Variants in DENND3 observed in about 807,000 individuals in gnomAD.
DENND3 encodes the protein DENN domain containing 3.
In DENND3, 88 loss-of-function variants were observed where a neutral mutation model predicts 135.1. The ratio of observed to expected loss-of-function variants is 0.65; its 90% CI spans 0.55 to 0.78. The LOEUF (loss-of-function observed/expected upper bound fraction) is 0.78. Ranked by LOEUF, DENND3 falls within the 30% of genes least tolerant of loss-of-function variation. The pLI is 0.00. For synonymous variants in DENND3, 693 were observed against 712.3 expected, an observed-to-expected ratio of 0.97 and a Z score of 0.43; for missense variants, 1,392 against 1,688.4, an observed-to-expected ratio of 0.82 and a Z score of 3.08.
chr8:141,140,886 T>C (rs1817366107), intron 3 of DENND3, among the ~76,000 whole-genome samples: 1 of 152,232 alleles, frequency 6.6e-6, no homozygotes, highest in South Asian at 2.1e-4. Flanking sequence ...TTTCTCCCCT[T>C]GTAAAGCAGA....
rs1273900300 is a variant in DENND3 at position 141,168,627 on chromosome 8, C to T, written c.2275+102C>T. On this transcript the variant is annotated intron_variant, in intron 13 of 22. Transcript: ENST00000519811. The surrounding 1 kb of genome is among the most constrained non-coding windows in gnomAD (Gnocchi z 6.2). ...GACTGGCAATCACAGCTCACTGCAA[C>T]CTCCACCTCCTGGGCTCAAGCAGTC... is the stretch of plus-strand genomic sequence containing the variant. The T allele has an allele frequency of 4.8e-5, 67 of 1,396,532 alleles. No individual in the cohort carries two copies. The highest frequency in any genetic ancestry group is 6.3e-5 in the Non-Finnish European group (66 of 1,044,406). 86.5% of individuals were successfully genotyped at this position (1,396,532 alleles called of 1,614,324 possible).
At chr8:141,185,570 A>C in intron 18 of DENND3, 2 of 269,468 alleles carry the variant, frequency 7.4e-6, no homozygotes, top group Admixed American at 4.6e-5. Flanking sequence ...CACACCTCTA[A>C]TCTCAGCACT....
At chr8:141,157,759 C>CTTTTTTTTTTTTTTTTTTTTT (rs374868733) in intron 8 of DENND3, 1 of 648,528 alleles carries the variant, frequency 1.5e-6, no homozygotes, top group African/African-American at 2.1e-5. Context: ...AAAACTACCT[C>CTTTTTTTTTTTTTTTTTTTTT]TTTTTTTTTT....
At chr8:141,160,238 G>T (rs1819968792) in intron 8 of DENND3, among the ~76,000 whole-genome samples, 1 of 150,668 alleles carries the variant, frequency 6.6e-6, no homozygotes, top group African/African-American at 2.5e-5. Flanking sequence ...GAGTGCAGCG[G>T]CACTATCTCG....
chr8:141,175,058 T>C lies in DENND3; in HGVS notation c.2276-142T>C. 1.0e-6 allele frequency: 1 copy of C among 963,458 alleles called. No homozygotes were observed. Among genetic ancestry groups the C allele is most frequent in the Non-Finnish European group, 1.5e-6 (1 of 645,930 alleles). 59.7% of individuals were successfully genotyped at this position (963,458 alleles called of 1,614,324 possible). On this transcript the variant is annotated intron_variant, in intron 13 of 22. Coordinates refer to ENST00000519811, the MANE Select transcript of DENND3 (RefSeq NM_001352890.3). The surrounding 1 kb of genome is among the most constrained non-coding windows in gnomAD (Gnocchi z 5.4). ...AGGCCCTGGGAAACCTTCTAGGCAG[T>C]TTCCATCCAGCGCCCTGAGTGCTGG...
Position 141,174,446 on chromosome 8 carries a change from G to A in DENND3, c.2276-754G>A, listed in dbSNP as rs1822059849. 6.6e-6 allele frequency among the ~76,000 whole-genome samples: 1 copy of A among 152,134 alleles called. No homozygotes were observed. The highest frequency in any genetic ancestry group is 2.4e-5 in the African/African-American group (1 of 41,430). On this transcript the variant is annotated intron_variant, in intron 13 of 22. Coordinates refer to ENST00000519811, the MANE Select transcript of DENND3 (RefSeq NM_001352890.3). This position sits in a 1 kb window ranked among gnomAD's most constrained non-coding sequence, Gnocchi z 4.6. ...AGCCGAGCAGGCAGGCTAGGGGCTT[G>A]AGTTGGCAGGACCTGCCGGCAGGGA...
intron 17 of DENND3, among the ~76,000 whole-genome samples, chr8:141,184,313 C>T (rs771452090): frequency 3.3e-5 from 5 of 152,082 alleles, no homozygotes; most frequent in Non-Finnish European, 7.4e-5. Flanking sequence ...GTTAGGGGCT[C>T]ATATCCAGAA....
Position 141,145,834 on chromosome 8 carries a change from TATATATATATATA to T in DENND3, c.735+1576_735+1588del, listed in dbSNP as rs1418699902. Among the ~76,000 whole-genome samples, 197 of 82,276 alleles carry T rather than the reference TATATATATATATA, an allele frequency of 2.4e-3. 2 individuals carry two copies. The highest frequency in any genetic ancestry group is 0.017 in the African/African-American group (191 of 11,550). The allele number at this position is 82,276 out of a possible 152,430, so 54.0% of individuals were successfully genotyped here. On this transcript the variant is annotated intron_variant, in intron 5 of 22. Transcript: ENST00000519811. ...ATATATATATATATATATATATATA[TATATATATATATA>T]TATGTATTTTTTTTTTTTTGAGGCG...
Position 141,151,641 on chromosome 8 carries a change from A to C in DENND3, c.878A>C (p.Glu293Ala). The change falls in exon 7 of 23, where the codon GAA (glutamate) becomes GCA (alanine). Residue 293 changes from glutamate (E) to alanine (A), a missense_variant. Coordinates refer to ENST00000519811, the MANE Select transcript of DENND3 (RefSeq NM_001352890.3). ...VLQILTCILT[E>A]QRIVFFSSDW... ...CAGATCCTGACATGCATCCTGACGG[A>C]ACAGCGGATCGTCTTCTTCTCCTCG... The C allele has an allele frequency of 6.2e-7, 1 of 1,613,896 alleles. No individual in the cohort carries two copies. The highest frequency in any genetic ancestry group is 8.5e-7 in the Non-Finnish European group (1 of 1,180,014).
Position 141,178,185 on chromosome 8 carries a change from T to C in DENND3, c.2825T>C (p.Met942Thr), listed in dbSNP as rs772803987. The C allele has an allele frequency of 1.2e-6, 2 of 1,610,020 alleles. No individual in the cohort carries two copies. Among genetic ancestry groups the C allele is most frequent in the Admixed American group, 1.7e-5 (1 of 59,982 alleles). Residue 942 changes from methionine to threonine, a missense_variant, in exon 16 of 23, where the codon ATG becomes ACG. By Grantham distance (81) the Met-to-Thr change is moderately conservative. Coordinates refer to ENST00000519811, the MANE Select transcript of DENND3 (RefSeq NM_001352890.3). ...TCCAAGTTATCCTACTTTGATAAGA[T>C]GAGTAACGAAAGTAAGATAAGCCCG... ...AASKLSYFDKMSNEMPMTLPE... is the reference protein window; with the variant it reads ...AASKLSYFDKTSNEMPMTLPE...
chr8:141,182,535 G>T lies in DENND3; in HGVS notation c.2944+1681G>T. ...TTCCCTGAAATGAAACTCACTCTGA[G>T]CTTCCTGTTGTGACGGGCGAGGAGT... On this transcript the variant is annotated intron_variant, in intron 17 of 22. Transcript: ENST00000519811. This position sits in a 1 kb window ranked among gnomAD's most constrained non-coding sequence, Gnocchi z 5.9. The T allele has an allele frequency of 1.0e-6, 1 of 976,636 alleles. No homozygotes were observed. The highest frequency in any genetic ancestry group is 1.2e-6 in the Non-Finnish European group (1 of 822,080). The allele number at this position is 976,636 out of a possible 1,614,324, so 60.5% of individuals were successfully genotyped here.
At chr8:141,165,649 AG>A (rs111597959) in intron 11 of DENND3, among the ~76,000 whole-genome samples, 430 of 152,200 alleles carry the variant, frequency 2.8e-3, no homozygotes, top group African/African-American at 9.4e-3. Flanking sequence ...ATTTTTGTAA[AG>A]ATGGGGTTTC....
chr8:141,129,302 T>G (rs1815627744), intron 1 of DENND3, among the ~76,000 whole-genome samples: 1 of 152,220 alleles, frequency 6.6e-6, no homozygotes, highest in African/African-American at 2.4e-5. Flanking sequence ...TAGTGGGTTT[T>G]GCACCAGGCA....
intron 14 of DENND3, chr8:141,176,288 A>C (rs1822342951): frequency 1.8e-5 from 3 of 164,144 alleles, no homozygotes; most frequent in East Asian, 2.8e-4. Flanking sequence ...AAAACAAAAC[A>C]AAAAAAAAAA....
intron 18 of DENND3, among the ~76,000 whole-genome samples, chr8:141,187,372 G>A (rs1039082593): frequency 3.3e-5 from 5 of 151,684 alleles, no homozygotes; most frequent in Non-Finnish European, 7.4e-5. Flanking sequence ...ATATAGGTGC[G>A]CACCACCACA....
chr8:141,136,906 C>A, intron 2 of DENND3, 115 bp downstream of exon 2: 1 of 1,002,908 alleles, frequency 1.0e-6, no homozygotes, highest in Non-Finnish European at 1.3e-6. Flanking sequence ...AGCCAGGGAC[C>A]CCTCACTGCC....
intron 14 of DENND3, chr8:141,176,317 G>C (rs971875694): frequency 6.1e-5 from 20 of 328,020 alleles, no homozygotes; most frequent in African/African-American, 4.3e-4. Context: ...GAGGGAGAGA[G>C]AAGTATTTAA....
intron 18 of DENND3, among the ~76,000 whole-genome samples, chr8:141,186,532 T>C (rs1306938314): frequency 6.6e-6 from 1 of 152,230 alleles, no homozygotes; most frequent in African/African-American, 2.4e-5. Flanking sequence ...TTGCAATCTT[T>C]TTCCTTCTAG....
chr8:141,150,827 G>T lies in DENND3; in HGVS notation c.736-7G>T. On this transcript the variant is annotated splice_polypyrimidine_tract_variant and splice_region_variant and intron_variant, in intron 5 of 22. Transcript: ENST00000519811. ...TCTGAACTAATGACGGGAACTGGTTGTCGTAGGTATTTAACATGAAGTCGC... is the reference window on the plus strand; with the variant it reads ...TCTGAACTAATGACGGGAACTGGTTTTCGTAGGTATTTAACATGAAGTCGC... 6.3e-7 allele frequency: 1 copy of T among 1,591,102 alleles called. No homozygotes were observed.
Sources: allele counts gnomAD v4.1 joint callset (sites outside exome capture counted in the v4.1 genomes callset), GRCh38; gene constraint gnomAD v4.1.1; non-coding constraint Gnocchi (gnomAD v3.1); transcripts MANE v1.5; gene names NCBI Gene and HGNC (gene_info 2026-07-23, HGNC 2026-07-21).